Variants in EPHA5 observed in about 807,000 individuals in gnomAD.
EPHA5 encodes EPH receptor A5.
EPHA5 carries 60 observed loss-of-function variants against 105.0 expected under a neutral mutation model. The ratio of observed to expected loss-of-function variants is 0.57; its 90% CI spans 0.46 to 0.71. The LOEUF (loss-of-function observed/expected upper bound fraction) is 0.71, where lower values mean the gene tolerates loss of function less well. EPHA5 is among the 30% of genes least tolerant of loss of function. The pLI is 0.00. For missense variants in EPHA5, 1,218 were observed against 1,274.7 expected (o/e 0.96, Z 0.68); for synonymous variants, 513 against 449.1 (o/e 1.14, Z -1.80).
intron 11 of EPHA5, among the ~76,000 whole-genome samples, chr4:65,358,450 T>C (rs1324247316): frequency 2.0e-5 from 3 of 151,584 alleles, no homozygotes; most frequent in East Asian, 1.9e-4. Context: ...TTGTTTTCTA[T>C]TTAGTATACT....
intron 5 of EPHA5, among the ~76,000 whole-genome samples, chr4:65,472,466 G>T (rs1297690142): frequency 6.6e-6 from 1 of 152,160 alleles, no homozygotes; most frequent in African/African-American, 2.4e-5. Context: ...TTCCATGAGG[G>T]TTCTGCCCTT....
chr4:65,453,127 T>A lies in EPHA5; in HGVS notation c.1403-32562A>T, dbSNP rs139459208. On this transcript the variant is annotated intron_variant, in intron 5 of 16. Transcript: ENST00000613740. Reference sequence around the variant, plus strand: ...CTCGTAATGTAAGCTGTTTTTCTCTTGAATTTTACTATACCAGCACACATA... The same window carrying A: ...CTCGTAATGTAAGCTGTTTTTCTCTAGAATTTTACTATACCAGCACACATA... Among the ~76,000 whole-genome samples, 812 of 152,322 alleles carry A rather than the reference T, an allele frequency of 5.3e-3. 4 individuals are homozygous for A. Among genetic ancestry groups the A allele is most frequent in the Middle Eastern group, 0.014 (4 of 294 alleles).
rs574931729 is a variant in EPHA5 at position 65,398,731 on chromosome 4, A to T, written c.1793+5643T>A. Among the ~76,000 whole-genome samples the T allele has an allele frequency of 2.6e-5, 4 of 152,156 alleles. No individual in the cohort carries two copies. The South Asian group carries it at 8.3e-4, about 32-fold the overall frequency. On this transcript the variant is annotated intron_variant, in intron 8 of 16. Coordinates refer to ENST00000613740, the MANE Select transcript of EPHA5 (RefSeq NM_001281766.3). ...CCCACTCTGGGTCTATTCTCCACTA[A>T]GGGCTTCAGATATTGGGACAACATG...
chr4:65,360,735 GT>G (rs1717222852), intron 11 of EPHA5, among the ~76,000 whole-genome samples: 1 of 151,348 alleles, frequency 6.6e-6, no homozygotes, highest in African/African-American at 2.4e-5. Context: ...ATATAATTAA[GT>G]TTTTAAATTT....
At chr4:65,414,170 G>T in intron 7 of EPHA5, 114 bp downstream of exon 7, 1 of 888,272 alleles carries the variant, frequency 1.1e-6, no homozygotes, top group Admixed American at 2.0e-5. Flanking sequence ...TCATGCCTGG[G>T]AGAGAGAGAG....
intron 5 of EPHA5, among the ~76,000 whole-genome samples, chr4:65,435,313 G>A (rs926204316): frequency 6.6e-6 from 1 of 152,074 alleles, no homozygotes; most frequent in Non-Finnish European, 1.5e-5. Flanking sequence ...TTTCATTGAT[G>A]AGTCCATACA....
At chr4:65,587,587 AC>A (rs1742241317) in intron 3 of EPHA5, among the ~76,000 whole-genome samples, 1 of 151,658 alleles carries the variant, frequency 6.6e-6, no homozygotes, top group African/African-American at 2.4e-5. Flanking sequence ...AGGTGCCCCG[AC>A]CCCCATCTGG....
intron 8 of EPHA5, among the ~76,000 whole-genome samples, chr4:65,403,237 C>G (rs1053274064): frequency 6.6e-6 from 1 of 152,090 alleles, no homozygotes; most frequent in African/African-American, 2.4e-5. Flanking sequence ...AATCAAAAAT[C>G]TTTTCAGAGC....
At chr4:65,545,930 C>T (rs1205107063) in intron 3 of EPHA5, among the ~76,000 whole-genome samples, 3 of 151,848 alleles carry the variant, frequency 2.0e-5, no homozygotes, top group African/African-American at 7.2e-5. Flanking sequence ...GATGAAATGT[C>T]CCATTTACTA....
At chr4:65,474,939 A>G (rs1729647389) in intron 5 of EPHA5, among the ~76,000 whole-genome samples, 1 of 152,222 alleles carries the variant, frequency 6.6e-6, no homozygotes, top group African/African-American at 2.4e-5. Context: ...GAGCTGTTGC[A>G]AAATGGTTTG....
intron 5 of EPHA5, among the ~76,000 whole-genome samples, chr4:65,480,094 G>A (rs976887394): frequency 4.6e-5 from 7 of 151,768 alleles, no homozygotes; most frequent in African/African-American, 1.5e-4. Context: ...AAGAATACAG[G>A]AAAAATAACA....
chr4:65,343,921 T>G (rs1390789212), intron 14 of EPHA5, among the ~76,000 whole-genome samples: 1 of 152,098 alleles, frequency 6.6e-6, no homozygotes, highest in East Asian at 1.9e-4. Flanking sequence ...TCTAAGTAAT[T>G]TGAAATACAG....
At chr4:65,342,653 T>C (rs1254552945) in intron 14 of EPHA5, among the ~76,000 whole-genome samples, 4 of 151,634 alleles carry the variant, frequency 2.6e-5, no homozygotes, top group Non-Finnish European at 5.9e-5. Flanking sequence ...ATAAGGAATA[T>C]ATGTTTATGT....
At chr4:65,360,692 A>G (rs1717217789) in intron 11 of EPHA5, among the ~76,000 whole-genome samples, 1 of 151,554 alleles carries the variant, frequency 6.6e-6, no homozygotes, top group South Asian at 2.1e-4. Context: ...TTTCCTATTA[A>G]TTTTATTATT....
At chr4:65,557,390 C>T (rs1295828794) in intron 3 of EPHA5, among the ~76,000 whole-genome samples, 2 of 150,928 alleles carry the variant, frequency 1.3e-5, no homozygotes, top group Admixed American at 1.3e-4. Context: ...ATACTTTTTC[C>T]AACTCTGATC....
At chr4:65,508,870 A>T (rs2149256296) in intron 3 of EPHA5, among the ~76,000 whole-genome samples, 1 of 152,256 alleles carries the variant, frequency 6.6e-6, no homozygotes, top group African/African-American at 2.4e-5. Flanking sequence ...GGAGTAGCAT[A>T]TCTGTATCTA....
At chr4:65,367,319 C>A (rs2148895942) in intron 9 of EPHA5, 38 bp downstream of exon 9, 1 of 1,506,054 alleles carries the variant, frequency 6.6e-7, no homozygotes, top group Non-Finnish European at 9.2e-7. Flanking sequence ...AAAGTGTCCC[C>A]TATTTTATTC....
rs567446025 is a variant in EPHA5, at chr4:65,403,548, C to G, written c.1793+826G>C. On this transcript the variant is annotated intron_variant, in intron 8 of 16. Coordinates refer to ENST00000613740, the MANE Select transcript of EPHA5 (RefSeq NM_001281766.3). ...GCCTGGATTTTAAAAATACGTGAAACTATGTTTATTGTAGGAAAACAGCAT... is the reference window on the plus strand; with the variant it reads ...GCCTGGATTTTAAAAATACGTGAAAGTATGTTTATTGTAGGAAAACAGCAT... Among the ~76,000 whole-genome samples the G allele has an allele frequency of 1.8e-3, 275 of 151,970 alleles. 2 individuals are homozygous for G. Among genetic ancestry groups the G allele is most frequent in the South Asian group, 0.013 (63 of 4,816 alleles).
At chr4:65,532,883 C>T (rs553191210) in intron 3 of EPHA5, among the ~76,000 whole-genome samples, 38 of 152,196 alleles carry the variant, frequency 2.5e-4, no homozygotes, top group African/African-American at 6.3e-4. Flanking sequence ...AGCATCTAAA[C>T]AGTTATTTGT....
Sources: allele counts gnomAD v4.1 joint callset (sites outside exome capture counted in the v4.1 genomes callset), GRCh38; gene constraint gnomAD v4.1.1; transcripts MANE v1.5; gene names NCBI Gene and HGNC (gene_info 2026-07-23, HGNC 2026-07-21).